Variants in OCA2 observed in about 807,000 individuals in gnomAD.
OCA2 encodes the protein P protein.
Under a neutral mutation model 100.2 loss-of-function variants are expected in OCA2, and 77 were observed. The observed-to-expected ratio is 0.77, with a 90% CI of 0.64 to 0.93. OCA2 has a LOEUF of 0.93. Ranked by LOEUF, OCA2 falls within the 40% of genes least tolerant of loss-of-function variation. The pLI is 0.00. For missense variants in OCA2, 1,062 were observed against 1,089.1 expected (o/e 0.98, Z 0.35); for synonymous variants, 432 against 439.2 (o/e 0.98, Z 0.21).
rs372178719 is a variant in OCA2 at position 27,769,413 on chromosome 15, G to A, written c.2433-13941C>T. Among the ~76,000 whole-genome samples the A allele has an allele frequency of 7.2e-5, 11 of 152,306 alleles. No individual in the cohort carries two copies. The East Asian group carries it at 1.9e-3, about 27-fold the overall frequency. On this transcript the variant is annotated intron_variant, in intron 23 of 23. Coordinates refer to ENST00000354638, the MANE Select transcript of OCA2 (RefSeq NM_000275.3). The stretch of plus-strand genomic sequence containing the variant: ...ATGGGGCAGCCCCAGAATAGTGCCC[G>A]GAGCGTTTCCAACAGAGCCTGGCTT...
At chr15:27,922,438 A>G (rs962146151) in intron 19 of OCA2, among the ~76,000 whole-genome samples, 2 of 152,258 alleles carry the variant, frequency 1.3e-5, no homozygotes, top group African/African-American at 4.8e-5. Context: ...AAATTATTAC[A>G]GTAGCACAGT....
chr15:27,729,172 T>G, the OCA2 span, among the ~76,000 whole-genome samples: 9 of 152,184 alleles, frequency 5.9e-5, no homozygotes, highest in Non-Finnish European at 1.2e-4. Context: ...TTAATGTCCA[T>G]TATTTCTACC....
intron 2 of OCA2, among the ~76,000 whole-genome samples, chr15:28,079,973 C>T (rs1163365384): frequency 6.6e-6 from 1 of 152,214 alleles, no homozygotes; most frequent in Non-Finnish European, 1.5e-5. Flanking sequence ...GTACACCATA[C>T]ATCGAAGCAA....
At chr15:27,988,881 T>C (rs1223280015) in intron 11 of OCA2, among the ~76,000 whole-genome samples, 1 of 152,104 alleles carries the variant, frequency 6.6e-6, no homozygotes, top group African/African-American at 2.4e-5. Context: ...TCAGGTCACA[T>C]AGCTGGGCCC....
At chr15:27,725,298 C>G in the OCA2 span, among the ~76,000 whole-genome samples, 1 of 152,138 alleles carries the variant, frequency 6.6e-6, no homozygotes, top group South Asian at 2.1e-4. Context: ...CTTCCTTGAC[C>G]GGGCATGGTG....
rs2041233118 is a variant in OCA2 at position 27,983,394 on chromosome 15, C to A, written c.1454G>T (p.Gly485Val). 6.2e-7 allele frequency: 1 copy of A among 1,614,046 alleles called. No individual in the cohort carries two copies. Among genetic ancestry groups the A allele is most frequent in the African/African-American group, 1.3e-5 (1 of 74,916 alleles). ...TNIGGAATAI[G>V]DPPNVIIVSN... is the part of the protein sequence containing the mutation. ...AACAATAATGACATTTGGAGGGTCC[C>A]CGATGGCAGTGGCAGCTCCTCCAAT... The change falls in exon 14 of 24, where the codon GGG (glycine) becomes GTG (valine). Residue 485 changes from glycine (G) to valine (V), a missense_variant. Transcript: ENST00000354638.
chr15:27,854,408 G>A (rs1047315045), intron 21 of OCA2, among the ~76,000 whole-genome samples: 11 of 152,366 alleles, frequency 7.2e-5, no homozygotes, highest in South Asian at 4.1e-4. Flanking sequence ...CAGGGTCTGA[G>A]AAGGAGCCCT....
chr15:27,888,005 A>C (rs961959802), intron 19 of OCA2, among the ~76,000 whole-genome samples: 1 of 152,156 alleles, frequency 6.6e-6, no homozygotes, highest in Non-Finnish European at 1.5e-5. Context: ...GTCAAGAGCC[A>C]TGTGCTCATC....
chr15:27,785,907 T>C (rs1369071375), intron 23 of OCA2, among the ~76,000 whole-genome samples: 2 of 152,156 alleles, frequency 1.3e-5, no homozygotes, highest in African/African-American at 4.8e-5. Flanking sequence ...TTTCCTGCCA[T>C]AAAAAAGATG....
Position 28,071,173 on chromosome 15 carries a change from A to T in OCA2, c.227+10475T>A, listed in dbSNP as rs555189526. ...AGAATTATCAATAAAAAAATAAATTAAAAAAAAAAAAAGAAAAACACCTAG... is the reference window on the plus strand; with the variant it reads ...AGAATTATCAATAAAAAAATAAATTTAAAAAAAAAAAAGAAAAACACCTAG... On this transcript the variant is annotated intron_variant, in intron 2 of 23. Coordinates refer to ENST00000354638, the MANE Select transcript of OCA2 (RefSeq NM_000275.3). 1.1e-4 allele frequency among the ~76,000 whole-genome samples: 9 copies of T among 84,708 alleles called. No homozygotes were observed. In the East Asian group the frequency reaches 6.1e-3, roughly 58 times the overall value. The allele number at this position is 84,708 out of a possible 152,430, so 55.6% of individuals were successfully genotyped here. A position where few individuals can be genotyped will look rare whatever the true frequency, so the allele number is the denominator to read the frequency against.
At chr15:27,987,591 G>C (rs112244493) in intron 11 of OCA2, among the ~76,000 whole-genome samples, 2 of 151,260 alleles carry the variant, frequency 1.3e-5, no homozygotes, top group African/African-American at 4.9e-5. Context: ...TAGCTGGGTG[G>C]GGTGGCGGGC....
intron 2 of OCA2, among the ~76,000 whole-genome samples, chr15:28,072,992 C>T (rs2044313430): frequency 6.6e-6 from 1 of 152,204 alleles, no homozygotes. Flanking sequence ...AATTCATGCA[C>T]TCATATGTTC....
chr15:27,869,548 T>C (rs2036460439), intron 21 of OCA2, among the ~76,000 whole-genome samples: 1 of 152,210 alleles, frequency 6.6e-6, no homozygotes, highest in South Asian at 2.1e-4. Context: ...ACTGTGAAAG[T>C]GTCCTATTCT....
chr15:27,932,220 C>T (rs1297365702), intron 18 of OCA2, among the ~76,000 whole-genome samples: 4 of 152,300 alleles, frequency 2.6e-5, no homozygotes, highest in South Asian at 4.1e-4. Flanking sequence ...GCATTATTCA[C>T]AAACTATTGT....
At chr15:27,828,176 G>T (rs955889592) in intron 23 of OCA2, among the ~76,000 whole-genome samples, 2 of 152,140 alleles carry the variant, frequency 1.3e-5, no homozygotes, top group Non-Finnish European at 2.9e-5. Context: ...CCTACCCCCT[G>T]CCAGCTCCCA....
chr15:27,978,643 T>C (rs2041044231), intron 14 of OCA2, among the ~76,000 whole-genome samples: 1 of 152,180 alleles, frequency 6.6e-6, no homozygotes, highest in Non-Finnish European at 1.5e-5. Context: ...TTAACTTGTG[T>C]CTATATGTAT....
chr15:27,997,080 G>GAGAGAGAAAGAA (rs1267392716), intron 9 of OCA2, among the ~76,000 whole-genome samples: 2 of 69,206 alleles, frequency 2.9e-5, no homozygotes, highest in East Asian at 4.9e-4. Context: ...AAGGGAGAAA[G>GAGAGAGAAAGAA]AGAGAGAAAG....
chr15:27,778,525 C>T (rs899072376), intron 23 of OCA2, among the ~76,000 whole-genome samples: 1 of 152,036 alleles, frequency 6.6e-6, no homozygotes, highest in Non-Finnish European at 1.5e-5. Context: ...ACAGAAGACA[C>T]GCCCTTGCAT....
chr15:28,022,420 A>C (rs2042622137), intron 6 of OCA2, 81 bp downstream of exon 6: 2 of 1,010,498 alleles, frequency 2.0e-6, no homozygotes, highest in South Asian at 2.6e-5. Flanking sequence ...CTTCAGCAGC[A>C]GTCACAACCG....
Sources: allele counts gnomAD v4.1 joint callset (sites outside exome capture counted in the v4.1 genomes callset), GRCh38; gene constraint gnomAD v4.1.1; transcripts MANE v1.5; gene names NCBI Gene and HGNC (gene_info 2026-07-23, HGNC 2026-07-21).